The following BBX variants were observed in gnomAD, a reference collection of about 807,000 sequenced individuals.
BBX encodes the protein HMG box transcription factor BBX.
Under a neutral mutation model 100.2 loss-of-function variants are expected in BBX, and 30 were observed. That is an observed-to-expected ratio of 0.30 (90% CI 0.22 to 0.41). The LOEUF is 0.41. BBX is among the 10% of genes least tolerant of loss of function. BBX has a pLI of 1.00. For missense variants in BBX, 1,023 were observed against 1,129.8 expected (o/e 0.91, Z 1.35); for synonymous variants, 376 against 388.1 (o/e 0.97, Z 0.37).
chr3:107,701,947 C>G (rs534690465), intron 3 of BBX, among the ~76,000 whole-genome samples: 65 of 152,226 alleles, frequency 4.3e-4, no homozygotes, highest in African/African-American at 1.4e-3. Flanking sequence ...CACATTTATC[C>G]CTGCTCACCA....
intron 8 of BBX, among the ~76,000 whole-genome samples, chr3:107,745,382 G>A (rs2064490162): frequency 6.6e-6 from 1 of 152,014 alleles, no homozygotes; most frequent in Admixed American, 6.6e-5. Flanking sequence ...AATTGTCTTT[G>A]ACTACACATT....
At chr3:107,585,389 A>G (rs2107571887) in intron 2 of BBX, among the ~76,000 whole-genome samples, 1 of 152,330 alleles carries the variant, frequency 6.6e-6, no homozygotes, top group Middle Eastern at 3.4e-3. Flanking sequence ...CTGGTTATTT[A>G]TGCTAAAATA....
intron 2 of BBX, among the ~76,000 whole-genome samples, chr3:107,548,793 G>C (rs1456241270): frequency 6.6e-6 from 1 of 152,184 alleles, no homozygotes; most frequent in Admixed American, 6.5e-5. Context: ...ATTCACTGTG[G>C]AATACTATGC....
At chr3:107,622,768 T>A (rs1283530352) in intron 2 of BBX, among the ~76,000 whole-genome samples, 1 of 152,218 alleles carries the variant, frequency 6.6e-6, no homozygotes, top group African/African-American at 2.4e-5. Flanking sequence ...GTTATGAGAC[T>A]CTGGGTCTTT....
chr3:107,734,889 A>G (rs894264212), intron 7 of BBX, among the ~76,000 whole-genome samples: 12 of 152,138 alleles, frequency 7.9e-5, no homozygotes, highest in African/African-American at 2.9e-4. Flanking sequence ...TGAAGTGGAA[A>G]TGTTTTGAGA....
chr3:107,735,880 G>T (rs1266352549), intron 7 of BBX, among the ~76,000 whole-genome samples: 1 of 151,330 alleles, frequency 6.6e-6, no homozygotes, highest in African/African-American at 2.4e-5. Flanking sequence ...CATTTTTTAT[G>T]TGCCTCTATT....
intron 2 of BBX, among the ~76,000 whole-genome samples, chr3:107,605,126 T>G (rs962501864): frequency 6.6e-6 from 1 of 152,194 alleles, no homozygotes; most frequent in Non-Finnish European, 1.5e-5. Flanking sequence ...ACACCTTTAT[T>G]TTAAAAGGAA....
intron 3 of BBX, among the ~76,000 whole-genome samples, chr3:107,653,466 A>G (rs1479154330): frequency 1.3e-5 from 2 of 152,158 alleles, no homozygotes; most frequent in African/African-American, 4.8e-5. Flanking sequence ...ACTGAAGTCA[A>G]CATTTAGGTG....
chr3:107,736,468 A>G (rs2063644885), intron 7 of BBX, among the ~76,000 whole-genome samples: 1 of 152,022 alleles, frequency 6.6e-6, no homozygotes, highest in Non-Finnish European at 1.5e-5. Context: ...TGTAGAACAA[A>G]TAAAAGTAAT....
intron 9 of BBX, among the ~76,000 whole-genome samples, chr3:107,752,903 C>T (rs1002119698): frequency 6.6e-6 from 1 of 152,120 alleles, no homozygotes; most frequent in Non-Finnish European, 1.5e-5. Context: ...CTATATTGTT[C>T]GTATCTGAAA....
rs548346316 is a variant in BBX, at chr3:107,758,917, A to G, written c.906+3239A>G. ...CCAAACTAACTACTCACCTTTCCCC[A>G]ACTCCATTCCTGTGGGCTGGAGTAA... On this transcript the variant is annotated intron_variant, in intron 10 of 17. Coordinates refer to ENST00000325805, the MANE Select transcript of BBX (RefSeq NM_001142568.3). Among the ~76,000 whole-genome samples the G allele has an allele frequency of 2.6e-5, 4 of 152,268 alleles. No homozygotes were observed. In the East Asian group the frequency reaches 7.7e-4, roughly 29 times the overall value.
intron 2 of BBX, among the ~76,000 whole-genome samples, chr3:107,585,992 C>G (rs2052804963): frequency 6.6e-6 from 1 of 152,056 alleles, no homozygotes; most frequent in Non-Finnish European, 1.5e-5. Flanking sequence ...AAGAACGATA[C>G]AAAATTGAGT....
chr3:107,550,548 A>G (rs34772315), intron 2 of BBX, among the ~76,000 whole-genome samples: 204 of 152,274 alleles, frequency 1.3e-3, no homozygotes, highest in Middle Eastern at 3.4e-3. Flanking sequence ...TGAGGGGTAA[A>G]CCGCAAGCAA....
rs116594828 is a variant in BBX, at chr3:107,691,907, G to A, written c.-9-18545G>A. Among the ~76,000 whole-genome samples the A allele has an allele frequency of 4.0e-3, 610 of 152,142 alleles. 3 individuals carry two copies. The highest frequency in any genetic ancestry group is 0.011 in the African/African-American group (460 of 41,530). ...CTATACTACTTAAAATAAGAAATACGTATTCTTTTTTTGCTTTTGAGAAAA... is the reference window on the plus strand; with the variant it reads ...CTATACTACTTAAAATAAGAAATACATATTCTTTTTTTGCTTTTGAGAAAA... On this transcript the variant is annotated intron_variant, in intron 3 of 17. Transcript: ENST00000325805.
chr3:107,761,213 A>G (rs1041101766), intron 10 of BBX, among the ~76,000 whole-genome samples: 5 of 152,224 alleles, frequency 3.3e-5, no homozygotes, highest in African/African-American at 1.2e-4. Context: ...GTAGATGGTA[A>G]CAAGTCTATC....
chr3:107,578,191 C>T (rs1415697459), intron 2 of BBX, among the ~76,000 whole-genome samples: 1 of 152,162 alleles, frequency 6.6e-6, no homozygotes, highest in Non-Finnish European at 1.5e-5. Context: ...AGAATCAGCT[C>T]TTCTTTAAGA....
intron 3 of BBX, among the ~76,000 whole-genome samples, chr3:107,692,266 A>G (rs1004152720): frequency 1.3e-5 from 2 of 151,796 alleles, no homozygotes; most frequent in African/African-American, 4.8e-5. Context: ...ACATATGTAT[A>G]CATGTGCCAT....
chr3:107,644,089 T>C (rs1252181095), intron 2 of BBX, among the ~76,000 whole-genome samples: 3 of 152,196 alleles, frequency 2.0e-5, no homozygotes, highest in African/African-American at 4.8e-5. Context: ...TGAACAGTTA[T>C]CAAGACAAAG....
intron 3 of BBX, among the ~76,000 whole-genome samples, chr3:107,692,349 C>G (rs1205038268): frequency 2.0e-5 from 3 of 151,628 alleles, no homozygotes; most frequent in Non-Finnish European, 4.4e-5. Flanking sequence ...TCCCCCCTCA[C>G]CCCACCCCAC....
Sources: allele counts gnomAD v4.1 joint callset (sites outside exome capture counted in the v4.1 genomes callset), GRCh38; gene constraint gnomAD v4.1.1; transcripts MANE v1.5; gene names NCBI Gene and HGNC (gene_info 2026-07-23, HGNC 2026-07-21).